Variants in TDRD9 observed in about 807,000 individuals in gnomAD.
TDRD9 encodes the protein tudor domain containing 9, also known as ATP-dependent RNA helicase TDRD9.
TDRD9 carries 124 observed loss-of-function variants against 172.6 expected under a neutral mutation model. That is an observed-to-expected ratio of 0.72 (90% CI 0.62 to 0.83). The LOEUF is 0.83. Ranked by LOEUF, TDRD9 falls within the 40% of genes least tolerant of loss-of-function variation. The pLI, the probability that TDRD9 is intolerant of heterozygous loss-of-function variation, is 0.00. For missense variants in TDRD9, 1,479 were observed against 1,714.1 expected (o/e 0.86, Z 2.42); for synonymous variants, 619 against 617.1 (o/e 1.00, Z -0.05).
At chr14:104,038,091 G>A (rs1427331284) in intron 32 of TDRD9, among the ~76,000 whole-genome samples, 1 of 152,132 alleles carries the variant, frequency 6.6e-6, no homozygotes, top group Non-Finnish European at 1.5e-5. Context: ...TTGGAGCCAG[G>A]TTTTGCTACT....
chr14:103,977,139 G>T (rs1345181078), intron 7 of TDRD9, among the ~76,000 whole-genome samples: 2 of 152,120 alleles, frequency 1.3e-5, no homozygotes, highest in African/African-American at 4.8e-5. Flanking sequence ...GTATTAGCCA[G>T]TAGTATGCCT....
At chr14:104,031,707 A>G (rs1467034105) in intron 29 of TDRD9, among the ~76,000 whole-genome samples, 3 of 152,000 alleles carry the variant, frequency 2.0e-5, no homozygotes, top group African/African-American at 7.3e-5. Flanking sequence ...CTACCTGTGC[A>G]ACTGGGTTGG....
At position 104,030,777 on chromosome 14, in the gene TDRD9, A is replaced by G. The variant is rs540508229; in HGVS notation, c.3283-331A>G. On this transcript the variant is annotated intron_variant, in intron 28 of 35. Coordinates refer to ENST00000409874, the MANE Select transcript of TDRD9 (RefSeq NM_153046.3). ...CTCACTCATAGGTGGGAATTGAACAATGAGAACGCATGGACACAGGAAGGG... is the reference window on the plus strand; with the variant it reads ...CTCACTCATAGGTGGGAATTGAACAGTGAGAACGCATGGACACAGGAAGGG... Among the ~76,000 whole-genome samples, 15 of 152,304 alleles carry G rather than the reference A, an allele frequency of 9.8e-5. No homozygotes were observed. In the South Asian group the frequency reaches 2.7e-3, roughly 27 times the overall value.
chr14:103,941,125 A>G, intron 1 of TDRD9: 8 of 1,517,244 alleles, frequency 5.3e-6, no homozygotes, highest in Non-Finnish European at 7.1e-6. Context: ...ATGGTAATGA[A>G]TATTCAGTTT....
At chr14:103,990,434 C>T (rs879555219) in intron 8 of TDRD9, among the ~76,000 whole-genome samples, 5 of 152,230 alleles carry the variant, frequency 3.3e-5, no homozygotes, top group Admixed American at 3.3e-4. Flanking sequence ...TGGCTCCCTC[C>T]TCACCTCCCA....
intron 20 of TDRD9, among the ~76,000 whole-genome samples, chr14:104,013,074 C>G (rs1264594467): frequency 6.6e-6 from 1 of 152,178 alleles, no homozygotes; most frequent in Non-Finnish European, 1.5e-5. Flanking sequence ...TCCCTTGCTT[C>G]CCATGTCCCA....
At chr14:104,000,408 G>A (rs911204336) in intron 13 of TDRD9, among the ~76,000 whole-genome samples, 1 of 151,232 alleles carries the variant, frequency 6.6e-6, no homozygotes, top group Admixed American at 6.6e-5. Flanking sequence ...AAAGTGAAGA[G>A]AAAAAAGGAT....
intron 1 of TDRD9, among the ~76,000 whole-genome samples, chr14:103,947,447 C>T (rs1485709431): frequency 6.6e-6 from 1 of 152,026 alleles, no homozygotes; most frequent in Non-Finnish European, 1.5e-5. Flanking sequence ...CCTGCCTTAG[C>T]CTCCCGAGTA....
chr14:103,983,023 G>GCC lies in TDRD9; in HGVS notation c.1012-3189_1012-3188dup, dbSNP rs1324580822. 2.7e-5 allele frequency among the ~76,000 whole-genome samples: 4 copies of GCC among 149,128 alleles called. No homozygotes were observed. In the Middle Eastern group the frequency reaches 0.014, roughly 536 times the overall value. On this transcript the variant is annotated intron_variant, in intron 7 of 35. Coordinates refer to ENST00000409874, the MANE Select transcript of TDRD9 (RefSeq NM_153046.3). The stretch of plus-strand genomic sequence containing the variant: ...CAACCCAGGTCCAGTAGTAGAGCAT[G>GCC]CCCCCCGCCCCACCTGGACTCGCTG...
chr14:103,936,387 C>G (rs1595889968), intron 1 of TDRD9, among the ~76,000 whole-genome samples: 1 of 152,164 alleles, frequency 6.6e-6, no homozygotes, highest in East Asian at 1.9e-4. Context: ...CCACCATGCT[C>G]AACCTAGGAG....
At chr14:103,986,109 G>T (rs2033649329) in intron 7 of TDRD9, 108 bp from the exon 8 acceptor site, 2 of 763,634 alleles carry the variant, frequency 2.6e-6, no homozygotes, top group South Asian at 3.2e-5. Flanking sequence ...TTTATTTAGA[G>T]AGTTTGTTAC....
rs191288407 is a variant in TDRD9 at position 103,980,585 on chromosome 14, C to T, written c.1011+5032C>T. Reference sequence around the variant, plus strand: ...ACTGAAGCACAGCATCACAGGGAGACGGTTAGGCCTCCGGATAACTGCGGG... The same window carrying T: ...ACTGAAGCACAGCATCACAGGGAGATGGTTAGGCCTCCGGATAACTGCGGG... On this transcript the variant is annotated intron_variant, in intron 7 of 35. Transcript: ENST00000409874. This position sits in a 1 kb window ranked among gnomAD's most constrained non-coding sequence, Gnocchi z 4.5. Among the ~76,000 whole-genome samples the T allele has an allele frequency of 9.9e-5, 15 of 152,234 alleles. No individual in the cohort carries two copies. Among genetic ancestry groups the T allele is most frequent in the African/African-American group, 2.9e-4 (12 of 41,532 alleles).
chr14:103,976,034 AT>A (rs1168343481), intron 7 of TDRD9, among the ~76,000 whole-genome samples: 2 of 151,542 alleles, frequency 1.3e-5, no homozygotes, highest in Non-Finnish European at 2.9e-5. Context: ...ACCTCTTCCT[AT>A]TTCCCCCCCT....
At chr14:104,046,994 A>T (rs1436822219) in intron 34 of TDRD9, among the ~76,000 whole-genome samples, 1 of 152,018 alleles carries the variant, frequency 6.6e-6, no homozygotes, top group South Asian at 2.1e-4. Flanking sequence ...TTTCCTTTCC[A>T]TGCAAATTTT....
At position 103,966,777 on chromosome 14, in the gene TDRD9, G is replaced by A. The variant is rs1115148; in HGVS notation, c.711G>A (p.Gln237=). The change falls in exon 5 of 36, where the codon CAG becomes CAA. Residue 237 remains glutamine (Q), a synonymous_variant. Coordinates refer to ENST00000409874, the MANE Select transcript of TDRD9 (RefSeq NM_153046.3). ...LIYMTTGVLL[Q]KIVSAKSLME... ...ATATGACAACTGGAGTCCTGCTTCA[G>A]AAAATAGTTAGTGCCAAGAGTTTGA... 12 of 1,551,130 alleles carry A rather than the reference G, an allele frequency of 7.7e-6. No homozygotes were observed. The South Asian group carries it at 1.4e-4, about 18-fold the overall frequency.
chr14:104,043,929 A>G (rs1048605285), intron 34 of TDRD9, among the ~76,000 whole-genome samples: 3 of 152,092 alleles, frequency 2.0e-5, no homozygotes, highest in African/African-American at 7.2e-5. Context: ...TCCTTCCCAT[A>G]AGATTAAGGG....
chr14:104,007,760 T>C (rs2034489911), intron 19 of TDRD9, among the ~76,000 whole-genome samples: 1 of 151,936 alleles, frequency 6.6e-6, no homozygotes, highest in Admixed American at 6.6e-5. Context: ...TACCAATACA[T>C]ATATGAGTTA....
intron 12 of TDRD9, among the ~76,000 whole-genome samples, chr14:103,998,216 A>T (rs1350712599): frequency 1.5e-5 from 2 of 131,474 alleles, no homozygotes; most frequent in East Asian, 4.9e-4. Context: ...CCATCCAGAC[A>T]CACACATACC....
intron 1 of TDRD9, chr14:103,945,673 C>T (rs1165749062): frequency 6.6e-6 from 1 of 152,110 alleles, no homozygotes; most frequent in Non-Finnish European, 1.5e-5. Flanking sequence ...TGGTCATTGT[C>T]ATAGTTTTCT....
Sources: gnomAD v4.1 joint callset for allele counts (sites outside exome capture counted in the v4.1 genomes callset) on GRCh38, gnomAD v4.1.1 for gene constraint, Gnocchi (gnomAD v3.1) non-coding constraint, MANE v1.5 for transcripts, NCBI Gene and HGNC (gene_info 2026-07-23, HGNC 2026-07-21) for gene names.